The following COL14A1 variants were observed in gnomAD, a reference collection of about 807,000 sequenced individuals.
The protein encoded by COL14A1 is collagen alpha-1(XIV) chain.
A neutral mutation model predicts 230.3 loss-of-function variants in COL14A1; 136 were observed. The observed-to-expected ratio is 0.59, with a 90% CI of 0.51 to 0.68. The LOEUF (loss-of-function observed/expected upper bound fraction) is 0.68. Ranked by LOEUF, COL14A1 falls within the 30% of genes least tolerant of loss-of-function variation. The probability of loss-of-function intolerance (pLI) is 0.00; values close to 1 mark genes in which losing one functional copy is unlikely to be tolerated. For missense variants in COL14A1, 1,976 were observed against 2,215.8 expected (o/e 0.89, Z 2.17); for synonymous variants, 792 against 784.1 (o/e 1.01, Z -0.17).
rs1818269329 is a variant in COL14A1 at position 120,231,593 on chromosome 8, A to T, written c.2324A>T (p.Asp775Val). 4 of 1,613,774 alleles carry T rather than the reference A, an allele frequency of 2.5e-6. No homozygotes were observed. Among genetic ancestry groups the T allele is most frequent in the Non-Finnish European group, 3.4e-6 (4 of 1,179,904 alleles). The change falls in exon 19 of 48, where the codon GAC becomes GTC. Residue 775 changes from aspartate to valine, a missense_variant. By Grantham distance (152) the Asp-to-Val change is radical (BLOSUM62 -3). This residue lies in a region of COL14A1 where 1,791 missense variants were observed against 2,019.5 expected (regional missense o/e 0.89). Coordinates refer to ENST00000297848, the MANE Select transcript of COL14A1 (RefSeq NM_021110.4). Reference sequence around the variant, plus strand: ...GTGACCTACATGACAGCTCAAGGGGACCCTGAGGAAGAAGTCATAGGAACG... The same window carrying T: ...GTGACCTACATGACAGCTCAAGGGGTCCCTGAGGAAGAAGTCATAGGAACG... ...FRVTYMTAQG[D>V]PEEEVIGTVM...
chr8:120,186,114 C>T (rs1484301659), intron 5 of COL14A1, among the ~76,000 whole-genome samples: 11 of 152,178 alleles, frequency 7.2e-5, no homozygotes, highest in Admixed American at 1.3e-4. Flanking sequence ...CATGGCTTCT[C>T]ATGGGAATGT....
intron 47 of COL14A1, 27 bp from the exon 48 acceptor site, chr8:120,371,125 G>T: frequency 6.4e-7 from 1 of 1,562,368 alleles, no homozygotes; most frequent in Non-Finnish European, 8.7e-7. Flanking sequence ...GGTGCAGCAA[G>T]TCCCCACCCC....
At chr8:120,201,231 A>G (rs552033505) in intron 8 of COL14A1, among the ~76,000 whole-genome samples, 6 of 152,192 alleles carry the variant, frequency 3.9e-5, no homozygotes, top group Admixed American at 6.5e-5. Flanking sequence ...TTAAAAATGT[A>G]TTATGTTTGA....
intron 28 of COL14A1, among the ~76,000 whole-genome samples, chr8:120,278,913 A>G (rs1041398079): frequency 9.9e-5 from 15 of 152,056 alleles, no homozygotes; most frequent in African/African-American, 3.6e-4. Flanking sequence ...ATGTCCATCG[A>G]TGACAGACTG....
intron 14 of COL14A1, among the ~76,000 whole-genome samples, chr8:120,220,720 C>T (rs1026439113): frequency 2.0e-5 from 3 of 151,962 alleles, no homozygotes; most frequent in Non-Finnish European, 2.9e-5. Context: ...GGAAGAAAAA[C>T]GAAACAAGTA....
Position 120,371,290 on chromosome 8 carries a change from A to C in COL14A1, c.*59A>C. 3 of 1,423,664 alleles carry C rather than the reference A, an allele frequency of 2.1e-6. No homozygotes were observed. Among genetic ancestry groups the C allele is most frequent in the South Asian group, 2.4e-5 (2 of 81,732 alleles). 88.2% of individuals were successfully genotyped at this position (1,423,664 alleles called of 1,614,324 possible). A position where few individuals can be genotyped will look rare whatever the true frequency, so the allele number is the denominator to read the frequency against. ...GAACTCTTAAGGAATCTTGTTTGAG[A>C]AAATGTTGTTATGTGGTTTGTATGC... On this transcript the variant is annotated 3_prime_UTR_variant, in exon 48 of 48. Coordinates refer to ENST00000297848, the MANE Select transcript of COL14A1 (RefSeq NM_021110.4).
Position 120,313,943 on chromosome 8 carries a change from C to T in COL14A1, c.4467C>T (p.Gly1489=), listed in dbSNP as rs1821124567. 1.9e-6 allele frequency: 3 copies of T among 1,611,508 alleles called. No homozygotes were observed. Among genetic ancestry groups the T allele is most frequent in the East Asian group, 2.2e-5 (1 of 44,736 alleles). The change falls in exon 38 of 48, where the codon GGC becomes GGT. Residue 1489 remains glycine, a synonymous_variant. Coordinates refer to ENST00000297848, the MANE Select transcript of COL14A1 (RefSeq NM_021110.4). ...QGEPGPKGPD[G]PRGEIGLPGP... is the part of the protein sequence containing the mutation. ...CTCTTGCCTTCCAGGGACCAGATGG[C>T]CCTCGGGGTGAAATTGGTCTGCCAG...
intron 1 of COL14A1, among the ~76,000 whole-genome samples, chr8:120,135,889 A>T (rs768992538): frequency 5.9e-5 from 9 of 151,718 alleles, no homozygotes; most frequent in African/African-American, 1.7e-4. Context: ...TAAATTTAAA[A>T]TTTTTTTCTT....
Position 120,332,694 on chromosome 8 carries a change from A to G in COL14A1, c.4744A>G (p.Ile1582Val). The G allele has an allele frequency of 1.9e-6, 3 of 1,613,410 alleles. No individual in the cohort carries two copies. Among genetic ancestry groups the G allele is most frequent in the Non-Finnish European group, 2.5e-6 (3 of 1,179,564 alleles). Residue 1582 changes from isoleucine to valine, a missense_variant, in exon 42 of 48, where the codon ATC becomes GTC. Around this residue, in one of 3 missense-constraint regions of COL14A1, gnomAD observed 1,791 missense variants for 2,019.5 expected, o/e 0.89. Coordinates refer to ENST00000297848, the MANE Select transcript of COL14A1 (RefSeq NM_021110.4). ...TCCTGGCACCCCTGGAGTCCCAGGG[A>G]TCACAGGAAGCATGGGACCGCAAGG... is the stretch of plus-strand genomic sequence containing the variant. ...GIPGTPGVPGITGSMGPQGAL... is the reference protein window; with the variant it reads ...GIPGTPGVPGVTGSMGPQGAL...
At chr8:120,370,325 T>C (rs767444421) in intron 47 of COL14A1, 9 of 1,610,984 alleles carry the variant, frequency 5.6e-6, no homozygotes, top group Non-Finnish European at 7.6e-6. Flanking sequence ...AATACTCCTA[T>C]CCTTATTAAG....
At chr8:120,181,267 T>G (rs541539771) in intron 5 of COL14A1, among the ~76,000 whole-genome samples, 2 of 152,298 alleles carry the variant, frequency 1.3e-5, no homozygotes, top group East Asian at 3.9e-4. Context: ...CTCCCAAATG[T>G]GCACTATTAA....
intron 46 of COL14A1, among the ~76,000 whole-genome samples, chr8:120,368,143 A>G (rs7835363): frequency 0.24 from 36,652 of 151,980 alleles, 6,699 homozygotes; most frequent in African/African-American, 0.51. Flanking sequence ...GAGTTCTGTA[A>G]AAGTTTTGAG....
At chr8:120,199,257 GACA>G (rs1402783602) in intron 7 of COL14A1, 142 bp from the exon 8 acceptor site, 12 of 670,288 alleles carry the variant, frequency 1.8e-5, no homozygotes, top group East Asian at 3.3e-5. Context: ...ATCTGTGAAA[GACA>G]ACGTTATTAC....
At position 120,185,084 on chromosome 8, in the gene COL14A1, G is replaced by A. The variant is rs1816604845; in HGVS notation, c.437-11707G>A. Reference sequence around the variant, plus strand: ...GGGATAAAAGGAGTGAGTCACGGGAGTGCTGTTTTAGATAGGGCAGGCATC... The same window carrying A: ...GGGATAAAAGGAGTGAGTCACGGGAATGCTGTTTTAGATAGGGCAGGCATC... On this transcript the variant is annotated intron_variant, in intron 5 of 47. Transcript: ENST00000297848. Among the ~76,000 whole-genome samples, 5 of 152,180 alleles carry A rather than the reference G, an allele frequency of 3.3e-5. No homozygotes were observed. In the South Asian group the frequency reaches 1.0e-3, roughly 32 times the overall value.
chr8:120,210,968 A>AG (rs996871087), intron 12 of COL14A1, among the ~76,000 whole-genome samples: 3 of 152,040 alleles, frequency 2.0e-5, no homozygotes, highest in Admixed American at 2.0e-4. Flanking sequence ...ACTATGAAAG[A>AG]GAAAAAAAAA....
At chr8:120,176,122 TG>T (rs1473276168) in intron 5 of COL14A1, among the ~76,000 whole-genome samples, 1 of 152,148 alleles carries the variant, frequency 6.6e-6, no homozygotes, top group Admixed American at 6.6e-5. Flanking sequence ...TAATATTTGC[TG>T]TTAATAATAG....
chr8:120,187,310 G>T (rs1816681758), intron 5 of COL14A1, among the ~76,000 whole-genome samples: 1 of 152,046 alleles, frequency 6.6e-6, no homozygotes, highest in Non-Finnish European at 1.5e-5. Flanking sequence ...CCCCCACATA[G>T]AGTTACTCTT....
At chr8:120,131,936 T>C (rs1402225744) in intron 1 of COL14A1, among the ~76,000 whole-genome samples, 2 of 136,918 alleles carry the variant, frequency 1.5e-5, no homozygotes, top group Non-Finnish European at 3.1e-5. Flanking sequence ...AACCTCTGCC[T>C]CCTGGGTTCA....
At chr8:120,157,040 T>G (rs1815503209) in intron 2 of COL14A1, among the ~76,000 whole-genome samples, 1 of 152,224 alleles carries the variant, frequency 6.6e-6, no homozygotes, top group South Asian at 2.1e-4. Context: ...TTAGAGAGTA[T>G]GTAATAAAAA....
Sources: allele counts gnomAD v4.1 joint callset (sites outside exome capture counted in the v4.1 genomes callset), GRCh38; gene constraint gnomAD v4.1.1; regional missense constraint gnomAD v4.1.1; transcripts MANE v1.5; gene names NCBI Gene and HGNC (gene_info 2026-07-23, HGNC 2026-07-21).